TNRC6B: variants seen among roughly 807,000 people sequenced by gnomAD.
TNRC6B encodes the protein trinucleotide repeat containing adaptor 6B.
A neutral mutation model predicts 203.6 loss-of-function variants in TNRC6B; 52 were observed. The ratio of observed to expected loss-of-function variants is 0.26; its 90% CI spans 0.20 to 0.32. The LOEUF is 0.32. Ranked by LOEUF, TNRC6B falls within the 10% of genes least tolerant of loss-of-function variation. TNRC6B has a pLI of 1.00. For synonymous variants in TNRC6B, 838 were observed against 845.7 expected, an observed-to-expected ratio of 0.99 and a Z score of 0.16; for missense variants, 1,923 against 2,286.2, an observed-to-expected ratio of 0.84 and a Z score of 3.24.
chr22:40,110,405 G>C (rs543157544), intron 1 of TNRC6B, among the ~76,000 whole-genome samples: 2 of 152,226 alleles, frequency 1.3e-5, no homozygotes, highest in African/African-American at 4.8e-5. Flanking sequence ...TGGTTGAGTT[G>C]AATCTGCTGT....
At chr22:40,291,984 G>A (rs2070874793) in intron 12 of TNRC6B, among the ~76,000 whole-genome samples, 1 of 152,232 alleles carries the variant, frequency 6.6e-6, no homozygotes, top group African/African-American at 2.4e-5. Flanking sequence ...CCTGAGATCA[G>A]GAGTTTGGGA....
chr22:40,297,877 C>T (rs2070965429), intron 12 of TNRC6B, among the ~76,000 whole-genome samples: 1 of 151,802 alleles, frequency 6.6e-6, no homozygotes. Context: ...AATCCCAGCA[C>T]TTTGGGAGAC....
intron 4 of TNRC6B, among the ~76,000 whole-genome samples, chr22:40,163,755 C>CT (rs1357386565): frequency 6.6e-6 from 1 of 151,888 alleles, no homozygotes; most frequent in Non-Finnish European, 1.5e-5. Flanking sequence ...GAGCGAAACT[C>CT]TGTCTCAAAA....
chr22:40,157,938 C>T (rs556796251), intron 4 of TNRC6B, among the ~76,000 whole-genome samples: 167 of 152,216 alleles, frequency 1.1e-3, no homozygotes, highest in African/African-American at 3.9e-3. Context: ...AGATTTGAAC[C>T]CAGATCTTAC....
intron 1 of TNRC6B, among the ~76,000 whole-genome samples, chr22:40,088,109 C>T (rs1029902201): frequency 6.6e-6 from 1 of 152,206 alleles, no homozygotes; most frequent in Non-Finnish European, 1.5e-5. Context: ...AACCTTCACT[C>T]CAAGGATGAA....
At position 40,326,168 on chromosome 22, in the gene TNRC6B, C is replaced by G. The variant is rs992688940; in HGVS notation, c.*2927C>G. 6.6e-6 allele frequency: 1 copy of G among 152,416 alleles called. No homozygotes were observed. The highest frequency in any genetic ancestry group is 1.5e-5 in the Non-Finnish European group (1 of 68,008). The allele number at this position is 152,416 out of a possible 1,614,324, so 9.4% of individuals were successfully genotyped here. ...TCCTGCTTTAAAATTTGCAAGCATTCTCAGGAATTCTAGGGTAGGAAGCCA... is the reference window on the plus strand; with the variant it reads ...TCCTGCTTTAAAATTTGCAAGCATTGTCAGGAATTCTAGGGTAGGAAGCCA... On this transcript the variant is annotated 3_prime_UTR_variant, in exon 23 of 23. Transcript: ENST00000454349.
chr22:40,317,251 C>CCA (rs1188193006), intron 21 of TNRC6B, among the ~76,000 whole-genome samples: 1 of 152,176 alleles, frequency 6.6e-6, no homozygotes, highest in Non-Finnish European at 1.5e-5. Context: ...ATCCATCTCT[C>CCA]CAGTGGAAGA....
At chr22:40,310,410 T>G (rs2071159845) in intron 16 of TNRC6B, among the ~76,000 whole-genome samples, 2 of 152,210 alleles carry the variant, frequency 1.3e-5, no homozygotes, top group Non-Finnish European at 1.5e-5. Flanking sequence ...CAGTAGAAAT[T>G]TAGTTAAAAC....
chr22:40,327,552 C>T lies in TNRC6B; in HGVS notation c.*4311C>T, dbSNP rs1336449083. 1 of 152,718 alleles carries T rather than the reference C, an allele frequency of 6.5e-6. No individual in the cohort carries two copies. Among genetic ancestry groups the T allele is most frequent in the Non-Finnish European group, 1.5e-5 (1 of 68,514 alleles). The allele number at this position is 152,718 out of a possible 1,614,324, so 9.5% of individuals were successfully genotyped here. A position where few individuals can be genotyped will look rare whatever the true frequency, so the allele number is the denominator to read the frequency against. On this transcript the variant is annotated 3_prime_UTR_variant, in exon 23 of 23. Transcript: ENST00000454349. ...TGTCCTTCGTCTCCTCCCCTTTTCC[C>T]CCAGACCTCCCCCTTCTTTTTGTCA...
chr22:40,232,397 A>G (rs985099302), intron 1 of TNRC6B, among the ~76,000 whole-genome samples: 4 of 152,242 alleles, frequency 2.6e-5, no homozygotes, highest in African/African-American at 4.8e-5. Flanking sequence ...TCAGGGATGC[A>G]TCATGGATAA....
intron 3 of TNRC6B, among the ~76,000 whole-genome samples, chr22:40,154,863 ATATAT>A (rs1569000866): frequency 1.8e-3 from 51 of 28,376 alleles, no homozygotes; most frequent in Middle Eastern, 0.012. Flanking sequence ...AAAAAAAAAT[ATATAT>A]ATATATATAT....
intron 1 of TNRC6B, chr22:40,106,281 T>C: frequency 1.8e-6 from 1 of 560,858 alleles, no homozygotes; most frequent in South Asian, 1.8e-5. Context: ...TACTGTTTAT[T>C]AACTGACCAG....
chr22:40,060,715 G>C (rs1244574476), intron 1 of TNRC6B, among the ~76,000 whole-genome samples: 1 of 152,134 alleles, frequency 6.6e-6, no homozygotes. Context: ...AGGTGCCCAG[G>C]TGCAAGCTTC....
intron 3 of TNRC6B, among the ~76,000 whole-genome samples, chr22:40,138,620 G>C (rs1282381947): frequency 6.6e-6 from 1 of 152,118 alleles, no homozygotes; most frequent in African/African-American, 2.4e-5. Context: ...GCACCTGCAG[G>C]CAGCCCAGGT....
rs2044013521 is a variant in TNRC6B, at chr22:40,334,514, T to C, written c.*11273T>C. ...CTCCCCGCCACCCACCTCATCCCTG[T>C]TCTGCGTAACCAAAAAACAGACAAC... On this transcript the variant is annotated 3_prime_UTR_variant, in exon 23 of 23. Coordinates refer to ENST00000454349, the MANE Select transcript of TNRC6B (RefSeq NM_001162501.2). 1 of 152,662 alleles carries C rather than the reference T, an allele frequency of 6.6e-6. No homozygotes were observed. Among genetic ancestry groups the C allele is most frequent in the South Asian group, 2.1e-4 (1 of 4,832 alleles). 9.5% of individuals were successfully genotyped at this position (152,662 alleles called of 1,614,324 possible).
At chr22:40,150,705 T>G (rs1209316959) in intron 3 of TNRC6B, among the ~76,000 whole-genome samples, 1 of 152,210 alleles carries the variant, frequency 6.6e-6, no homozygotes, top group South Asian at 2.1e-4. Context: ...TGCTGACATA[T>G]GAGACTTTAC....
chr22:40,288,889 C>G (rs1283158990), intron 12 of TNRC6B, among the ~76,000 whole-genome samples: 1 of 138,580 alleles, frequency 7.2e-6, no homozygotes, highest in African/African-American at 2.7e-5. Context: ...ACTCAGCTCA[C>G]TGCAACCTCC....
chr22:40,222,583 C>G (rs894415256), intron 1 of TNRC6B, among the ~76,000 whole-genome samples: 2 of 152,168 alleles, frequency 1.3e-5, no homozygotes, highest in African/African-American at 4.8e-5. Context: ...TGTTCAAATA[C>G]AGTGGATTAT....
intron 1 of TNRC6B, among the ~76,000 whole-genome samples, chr22:40,083,319 A>G (rs756137077): frequency 6.6e-6 from 1 of 152,164 alleles, no homozygotes; most frequent in African/African-American, 2.4e-5. Context: ...TTTAAAAAAG[A>G]GGGAATAATT....
Sources: gnomAD v4.1 joint callset for allele counts (sites outside exome capture counted in the v4.1 genomes callset) on GRCh38, gnomAD v4.1.1 for gene constraint, MANE v1.5 for transcripts, NCBI Gene and HGNC (gene_info 2026-07-23, HGNC 2026-07-21) for gene names.